The following FAM227B variants were observed in gnomAD, a reference collection of about 807,000 sequenced individuals.
FAM227B encodes the protein protein FAM227B.
Under a neutral mutation model 73.8 loss-of-function variants are expected in FAM227B, and 88 were observed. The ratio of observed to expected loss-of-function variants is 1.19; its 90% CI spans 1.00 to 1.42. The LOEUF is 1.42. Among genes scored for constraint, FAM227B ranks in the 40% most tolerant of loss-of-function variants. The pLI, the probability that FAM227B is intolerant of heterozygous loss-of-function variation, is 0.00. For missense variants in FAM227B, 632 were observed against 590.9 expected (o/e 1.07, Z -0.72); for synonymous variants, 210 against 190.5 (o/e 1.10, Z -0.84).
chr15:49,465,211 C>T (rs899649037), intron 11 of FAM227B, among the ~76,000 whole-genome samples: 1 of 152,070 alleles, frequency 6.6e-6, no homozygotes, highest in African/African-American at 2.4e-5. Flanking sequence ...CTCACTGCAA[C>T]CTCTGCCTCC....
intron 9 of FAM227B, among the ~76,000 whole-genome samples, chr15:49,542,687 G>A (rs2071244732): frequency 6.7e-6 from 1 of 150,212 alleles, no homozygotes; most frequent in African/African-American, 2.4e-5. Flanking sequence ...TCTAATGGCT[G>A]AGTAGTATTC....
At chr15:49,511,063 C>G (rs1402699942) in intron 10 of FAM227B, among the ~76,000 whole-genome samples, 1 of 151,556 alleles carries the variant, frequency 6.6e-6, no homozygotes, top group Non-Finnish European at 1.5e-5. Flanking sequence ...CACTAGATAA[C>G]CTCTTTCAAA....
chr15:49,380,469 AT>A (rs147903758), intron 11 of FAM227B, among the ~76,000 whole-genome samples: 3,289 of 152,270 alleles, frequency 0.022, 91 homozygotes, highest in South Asian at 0.077. Context: ...TTAAAAAAAA[AT>A]ATATTTAATA....
chr15:49,371,535 CATTGTTA>C, intron 11 of FAM227B, 136 bp from the exon 12 acceptor site: 1 of 426,568 alleles, frequency 2.3e-6, no homozygotes. Context: ...AGTGTTAAGA[CATTGTTA>C]CAACTTGTCC....
rs537607063 is a variant in FAM227B at position 49,501,696 on chromosome 15, T to C, written c.1012+6515A>G. On this transcript the variant is annotated intron_variant, in intron 11 of 15. Transcript: ENST00000299338. ...ATAATTCAAGTAGGCTTTGTAGCAA[T>C]GACTTGCTAGAGAAATTTGCATAAC... is the stretch of plus-strand genomic sequence containing the variant. Among the ~76,000 whole-genome samples, 194 of 152,312 alleles carry C rather than the reference T, an allele frequency of 1.3e-3. 1 individual carries two copies. The highest frequency in any genetic ancestry group is 4.3e-3 in the African/African-American group (180 of 41,560).
Position 49,438,587 on chromosome 15 carries a change from T to C in FAM227B, c.1013-67188A>G, listed in dbSNP as rs369773100. 9.6e-4 allele frequency among the ~76,000 whole-genome samples: 145 copies of C among 151,804 alleles called. 5 individuals carry two copies. In the South Asian group the frequency reaches 0.027, roughly 28 times the overall value. ...ACATTATATATAGCATAGGAGTAGATTGAGTTGATAAGAAAGTGAGAGGGA... is the reference window on the plus strand; with the variant it reads ...ACATTATATATAGCATAGGAGTAGACTGAGTTGATAAGAAAGTGAGAGGGA... On this transcript the variant is annotated intron_variant, in intron 11 of 15. Transcript: ENST00000299338.
intron 11 of FAM227B, among the ~76,000 whole-genome samples, chr15:49,430,950 T>G (rs988860255): frequency 1.3e-5 from 2 of 151,804 alleles, no homozygotes; most frequent in Admixed American, 1.3e-4. Context: ...TTTTTAAGAC[T>G]GGAATGATGC....
intron 11 of FAM227B, among the ~76,000 whole-genome samples, chr15:49,412,750 C>T (rs2048953699): frequency 6.6e-6 from 1 of 152,030 alleles, no homozygotes; most frequent in Non-Finnish European, 1.5e-5. Flanking sequence ...TTATTATTTT[C>T]ATTAAAATGC....
intron 9 of FAM227B, among the ~76,000 whole-genome samples, chr15:49,547,679 G>A (rs61521855): frequency 0.33 from 49,817 of 151,942 alleles, 8,951 homozygotes; most frequent in African/African-American, 0.46. Context: ...AGCTATTCTT[G>A]TATCAGACAA....
chr15:49,428,563 C>T (rs1461253177), intron 11 of FAM227B, among the ~76,000 whole-genome samples: 2 of 151,950 alleles, frequency 1.3e-5, no homozygotes. Flanking sequence ...ACAGAAATAA[C>T]ACTGCTCTTT....
chr15:49,346,196 T>C (rs2041480089), intron 13 of FAM227B, among the ~76,000 whole-genome samples: 1 of 152,224 alleles, frequency 6.6e-6, no homozygotes. Flanking sequence ...GGCCAGCTCC[T>C]GTCCAATTCA....
At chr15:49,460,943 A>T (rs2053737224) in intron 11 of FAM227B, among the ~76,000 whole-genome samples, 1 of 152,194 alleles carries the variant, frequency 6.6e-6, no homozygotes, top group Non-Finnish European at 1.5e-5. Context: ...GCCAAATTCC[A>T]CTATGTCAAA....
At chr15:49,441,512 A>G (rs1431838920) in intron 11 of FAM227B, among the ~76,000 whole-genome samples, 1 of 151,748 alleles carries the variant, frequency 6.6e-6, no homozygotes, top group Non-Finnish European at 1.5e-5. Flanking sequence ...GTAGACCAGG[A>G]AAGTAGACCA....
chr15:49,432,632 G>C (rs1431912841), intron 11 of FAM227B, among the ~76,000 whole-genome samples: 2 of 151,492 alleles, frequency 1.3e-5, no homozygotes, highest in Admixed American at 6.6e-5. Context: ...CCACTAAATT[G>C]TTTGAATCAA....
At chr15:49,346,526 T>C (rs1215781388) in intron 13 of FAM227B, among the ~76,000 whole-genome samples, 4 of 152,146 alleles carry the variant, frequency 2.6e-5, no homozygotes, top group African/African-American at 7.2e-5. Flanking sequence ...GCTTTGCCAA[T>C]AAATCTTTTC....
At chr15:49,504,513 C>G (rs2058424823) in intron 11 of FAM227B, among the ~76,000 whole-genome samples, 1 of 152,114 alleles carries the variant, frequency 6.6e-6, no homozygotes. Context: ...TCCCTGAAGC[C>G]TGCTAGAAAT....
At chr15:49,598,327 A>C (rs914403614) in intron 3 of FAM227B, among the ~76,000 whole-genome samples, 1 of 152,030 alleles carries the variant, frequency 6.6e-6, no homozygotes, top group African/African-American at 2.4e-5. Context: ...GTGCAAATTT[A>C]CTGAATTCAT....
intron 11 of FAM227B, among the ~76,000 whole-genome samples, chr15:49,474,819 C>T (rs914430231): frequency 5.3e-5 from 8 of 152,098 alleles, no homozygotes; most frequent in Admixed American, 3.9e-4. Flanking sequence ...AGGTTGCGTG[C>T]TCCGTACGAA....
chr15:49,532,023 C>A (rs62010018), intron 10 of FAM227B, among the ~76,000 whole-genome samples: 1 of 148,382 alleles, frequency 6.7e-6, no homozygotes. Flanking sequence ...ATATAATATA[C>A]GTAATATTAT....
Sources: allele counts gnomAD v4.1 joint callset (sites outside exome capture counted in the v4.1 genomes callset), GRCh38; gene constraint gnomAD v4.1.1; transcripts MANE v1.5; gene names NCBI Gene and HGNC (gene_info 2026-07-23, HGNC 2026-07-21).